The following PTPRD variants were observed in gnomAD, a reference collection of about 807,000 sequenced individuals.
The protein encoded by PTPRD is receptor-type tyrosine-protein phosphatase delta.
PTPRD carries 34 observed loss-of-function variants against 214.5 expected under a neutral mutation model. That is an observed-to-expected ratio of 0.16 (90% confidence interval 0.12 to 0.21). The LOEUF (loss-of-function observed/expected upper bound fraction) is 0.21. Ranked by LOEUF, PTPRD falls within the 10% of genes least tolerant of loss-of-function variation. The pLI is 1.00. For missense variants in PTPRD, 2,545 were observed against 2,398.7 expected (o/e 1.06, Z -1.27); for synonymous variants, 1,128 against 845.7 (o/e 1.33, Z -5.79).
In PTPRD at chr9:10,502,326, T is replaced by G. The variant is rs375731014; in HGVS notation, c.-600+110072A>C. Among the ~76,000 whole-genome samples the G allele has an allele frequency of 7.9e-5, 12 of 151,972 alleles. No individual in the cohort carries two copies. The East Asian group carries it at 1.9e-3, about 24-fold the overall frequency. ...TATAAGGAGAAAGAACATATAAAATTTTTGATAAATCCAAATTTAAGCAGT... is the reference window on the plus strand; with the variant it reads ...TATAAGGAGAAAGAACATATAAAATGTTTGATAAATCCAAATTTAAGCAGT... On this transcript the variant is annotated intron_variant, in intron 2 of 45. Transcript: ENST00000381196.
intron 6 of PTPRD, among the ~76,000 whole-genome samples, chr9:9,745,122 A>G (rs2761697): frequency 0.52 from 78,538 of 151,420 alleles, 23,193 homozygotes; most frequent in African/African-American, 0.8. Context: ...TTATAATTAT[A>G]AAAATAGTTA....
chr9:10,315,865 G>C (rs1444237662), intron 3 of PTPRD, among the ~76,000 whole-genome samples: 2 of 151,760 alleles, frequency 1.3e-5, no homozygotes, highest in African/African-American at 4.8e-5. Flanking sequence ...ATTTATAGTA[G>C]TATATTTTAA....
chr9:8,790,542 C>T (rs558179574), intron 11 of PTPRD, among the ~76,000 whole-genome samples: 5 of 151,640 alleles, frequency 3.3e-5, no homozygotes, highest in East Asian at 2.0e-4. Flanking sequence ...CTCAGCCTCC[C>T]GAGTAGCTGG....
chr9:9,163,799 A>G (rs768021035), intron 10 of PTPRD, among the ~76,000 whole-genome samples: 1 of 152,210 alleles, frequency 6.6e-6, no homozygotes, highest in Non-Finnish European at 1.5e-5. Flanking sequence ...TTGTCCAGAT[A>G]TACTGAACTC....
chr9:8,502,881 T>TATATATATATA, intron 23 of PTPRD, among the ~76,000 whole-genome samples: 1 of 150,838 alleles, frequency 6.6e-6, no homozygotes, highest in Admixed American at 6.6e-5. Context: ...CACACATATG[T>TATATATATATA]TAAAAACTGA....
At chr9:9,782,456 T>C (rs894040129) in intron 5 of PTPRD, among the ~76,000 whole-genome samples, 18 of 152,320 alleles carry the variant, frequency 1.2e-4, no homozygotes, top group Admixed American at 3.9e-4. Context: ...TTGAGAATCA[T>C]AGACTAATTG....
At chr9:8,499,861 A>G (rs763320528) in intron 24 of PTPRD, 21 bp from the exon 25 acceptor site, 7 of 1,584,286 alleles carry the variant, frequency 4.4e-6, no homozygotes, top group Middle Eastern at 3.4e-4. Flanking sequence ...ATCATTGGAT[A>G]AAAGAAATTA....
chr9:9,938,958 C>T (rs982517012), intron 4 of PTPRD, among the ~76,000 whole-genome samples: 7 of 151,592 alleles, frequency 4.6e-5, no homozygotes, highest in Admixed American at 6.6e-5. Context: ...AATCAAAATA[C>T]ATTTTTAAAC....
At chr9:9,385,946 A>G (rs994341254) in intron 9 of PTPRD, among the ~76,000 whole-genome samples, 2 of 152,170 alleles carry the variant, frequency 1.3e-5, no homozygotes, top group Non-Finnish European at 2.9e-5. Flanking sequence ...AACACTCACC[A>G]GGAGCCTCCT....
At chr9:9,711,114 A>T (rs1564688375) in intron 7 of PTPRD, among the ~76,000 whole-genome samples, 1 of 152,180 alleles carries the variant, frequency 6.6e-6, no homozygotes, top group Non-Finnish European at 1.5e-5. Context: ...CTAAACTGTA[A>T]TAAGCAGGTA....
At chr9:9,661,538 G>C (rs147530569) in intron 7 of PTPRD, among the ~76,000 whole-genome samples, 1 of 151,822 alleles carries the variant, frequency 6.6e-6, no homozygotes, top group African/African-American at 2.4e-5. Flanking sequence ...AGACAATATA[G>C]AATACTTATG....
At chr9:10,120,669 GA>G (rs34840418) in intron 3 of PTPRD, among the ~76,000 whole-genome samples, 109,034 of 151,548 alleles carry the variant, frequency 0.72, 39,730 homozygotes, top group Middle Eastern at 0.89. Flanking sequence ...TATAAATTTT[GA>G]AAAAAAATTT....
At chr9:9,182,523 C>T (rs2099928797) in intron 10 of PTPRD, among the ~76,000 whole-genome samples, 2 of 151,788 alleles carry the variant, frequency 1.3e-5, no homozygotes, top group African/African-American at 4.8e-5. Context: ...AATAACAAGC[C>T]AACAGATCAA....
At chr9:8,580,795 T>G (rs1034679210) in intron 14 of PTPRD, among the ~76,000 whole-genome samples, 1 of 152,104 alleles carries the variant, frequency 6.6e-6, no homozygotes, top group African/African-American at 2.4e-5. Flanking sequence ...CACACACGCT[T>G]ATATAAACAG....
chr9:9,055,029 G>C (rs111777115), intron 10 of PTPRD, among the ~76,000 whole-genome samples: 4 of 152,272 alleles, frequency 2.6e-5, no homozygotes, highest in African/African-American at 7.2e-5. Context: ...TGCAAGGACT[G>C]AAACTTGTCA....
At chr9:10,588,551 AT>A (rs2074559587) in intron 2 of PTPRD, among the ~76,000 whole-genome samples, 1 of 151,958 alleles carries the variant, frequency 6.6e-6, no homozygotes, top group Non-Finnish European at 1.5e-5. Flanking sequence ...CATACTATTG[AT>A]ATTAGAAGAT....
chr9:9,870,603 T>C (rs2065165584), intron 5 of PTPRD, among the ~76,000 whole-genome samples: 1 of 152,028 alleles, frequency 6.6e-6, no homozygotes, highest in African/African-American at 2.4e-5. Flanking sequence ...ACTTATTATT[T>C]ATATTATTTC....
chr9:9,477,517 C>G (rs935269578), intron 8 of PTPRD, among the ~76,000 whole-genome samples: 1 of 152,192 alleles, frequency 6.6e-6, no homozygotes, highest in East Asian at 1.9e-4. Flanking sequence ...TCTGATTATT[C>G]ATTTCCACAC....
chr9:9,232,334 G>A (rs2099963618), intron 9 of PTPRD, among the ~76,000 whole-genome samples: 1 of 152,122 alleles, frequency 6.6e-6, no homozygotes, highest in Non-Finnish European at 1.5e-5. Flanking sequence ...GAATACTAAA[G>A]TACTAAAGAA....
Sources: gnomAD v4.1 joint callset for allele counts (sites outside exome capture counted in the v4.1 genomes callset) on GRCh38, gnomAD v4.1.1 for gene constraint, MANE v1.5 for transcripts, NCBI Gene and HGNC (gene_info 2026-07-23, HGNC 2026-07-21) for gene names.